The following PHKB variants were observed in gnomAD, a reference collection of about 807,000 sequenced individuals.
PHKB encodes the protein phosphorylase b kinase regulatory subunit beta.
Under a neutral mutation model 152.1 loss-of-function variants are expected in PHKB, and 122 were observed. The ratio of observed to expected loss-of-function variants is 0.80; its 90% CI spans 0.69 to 0.93. The LOEUF is 0.93. PHKB is among the 40% of genes least tolerant of loss of function. PHKB has a pLI of 0.00. For missense variants in PHKB, 1,304 were observed against 1,328.4 expected, an observed-to-expected ratio of 0.98 and a Z score of 0.29; for synonymous variants, 436 against 464.9, an observed-to-expected ratio of 0.94 and a Z score of 0.80.
intron 1 of PHKB, among the ~76,000 whole-genome samples, chr16:47,489,476 G>A (rs1970108919): frequency 6.6e-6 from 1 of 152,214 alleles, no homozygotes; most frequent in Non-Finnish European, 1.5e-5. Context: ...AGTACAGCAA[G>A]AATAACTATT....
At chr16:47,657,491 A>G (rs1973360177) in intron 20 of PHKB, among the ~76,000 whole-genome samples, 2 of 152,198 alleles carry the variant, frequency 1.3e-5, no homozygotes, top group African/African-American at 4.8e-5. Flanking sequence ...TTTAAATATT[A>G]TATTGCGTTT....
chr16:47,461,317 C>T (rs780120000), upstream of PHKB: 8 of 1,553,228 alleles, frequency 5.2e-6, no homozygotes, highest in African/African-American at 2.7e-5. Context: ...CAGGCGGCCC[C>T]GGGGGCGGTG....
intron 26 of PHKB, among the ~76,000 whole-genome samples, chr16:47,679,666 T>G (rs1405435113): frequency 1.2e-4 from 18 of 152,244 alleles, no homozygotes; most frequent in Non-Finnish European, 2.5e-4. Flanking sequence ...AAGGAGATTT[T>G]GGGCTAAGAC....
At chr16:47,634,172 G>A (rs1972876094) in intron 14 of PHKB, among the ~76,000 whole-genome samples, 1 of 152,152 alleles carries the variant, frequency 6.6e-6, no homozygotes, top group Non-Finnish European at 1.5e-5. Context: ...TTATAGATGA[G>A]GAAACTGCAG....
Position 47,699,343 on chromosome 16 carries a change from G to A in PHKB, c.3259G>A (p.Asp1087Asn), listed in dbSNP as rs764639480. ...LLEGEVKPNN[D>N]DPCLIS ...GGAAGGAGAAGTCAAGCCAAACAAT[G>A]ATGACCCGTGTCTGATTAGCTAGTG... is the stretch of plus-strand genomic sequence containing the variant. The change falls in exon 31 of 31, where the codon GAT becomes AAT. Residue 1087 changes from aspartate to asparagine, a missense_variant. Physicochemically the swap from Asp to Asn is conservative, Grantham distance 23 (BLOSUM62 1). Transcript: ENST00000323584. 5.0e-6 allele frequency: 8 copies of A among 1,614,168 alleles called. No homozygotes were observed. The highest frequency in any genetic ancestry group is 6.8e-6 in the Non-Finnish European group (8 of 1,180,020).
chr16:47,552,727 G>A (rs1319309690), intron 7 of PHKB, among the ~76,000 whole-genome samples: 1 of 151,864 alleles, frequency 6.6e-6, no homozygotes, highest in Non-Finnish European at 1.5e-5. Flanking sequence ...AGAATTGCTT[G>A]AACCCATTGA....
chr16:47,693,295 A>T, intron 27 of PHKB, 83 bp from the exon 28 acceptor site: 1 of 1,394,988 alleles, frequency 7.2e-7, no homozygotes, highest in Non-Finnish European at 1.0e-6. Flanking sequence ...ACCCTATCAG[A>T]ACAATTAGTT....
At chr16:47,685,292 G>T (rs1973943207) in intron 26 of PHKB, among the ~76,000 whole-genome samples, 1 of 152,184 alleles carries the variant, frequency 6.6e-6, no homozygotes, top group Admixed American at 6.5e-5. Flanking sequence ...GGGTGTGGTG[G>T]CGCACGCCTG....
chr16:47,594,695 G>T (rs190442534), intron 12 of PHKB, among the ~76,000 whole-genome samples: 31 of 152,230 alleles, frequency 2.0e-4, no homozygotes, highest in Admixed American at 1.9e-3. Flanking sequence ...TTTGAGGATG[G>T]ATTTAATATT....
At chr16:47,556,864 C>A (rs956828158) in intron 7 of PHKB, among the ~76,000 whole-genome samples, 10 of 152,088 alleles carry the variant, frequency 6.6e-5, no homozygotes, top group African/African-American at 2.4e-4. Context: ...CTCCTTGTAC[C>A]TCAGGTAGAA....
intron 7 of PHKB, among the ~76,000 whole-genome samples, chr16:47,576,576 A>C (rs1040739603): frequency 2.0e-5 from 3 of 152,212 alleles, no homozygotes; most frequent in African/African-American, 7.2e-5. Flanking sequence ...CAAGTATCCA[A>C]CTATAACTGT....
At chr16:47,686,831 A>G (rs767626517) in intron 26 of PHKB, among the ~76,000 whole-genome samples, 1 of 152,326 alleles carries the variant, frequency 6.6e-6, no homozygotes, top group East Asian at 1.9e-4. Flanking sequence ...ATATAGCTCT[A>G]AAAAAGGACA....
chr16:47,537,292 A>G (rs1044356654), intron 6 of PHKB, among the ~76,000 whole-genome samples: 4 of 152,250 alleles, frequency 2.6e-5, no homozygotes, highest in East Asian at 1.9e-4. Flanking sequence ...AGGCTCTCCA[A>G]TGAATTATGC....
chr16:47,529,900 C>T, intron 6 of PHKB: 1 of 152,110 alleles, frequency 6.6e-6, no homozygotes, highest in Non-Finnish European at 1.5e-5. Flanking sequence ...GTTAGTGTAA[C>T]TCATTACATT....
chr16:47,465,337 G>C (rs1038654434), intron 1 of PHKB, among the ~76,000 whole-genome samples: 3 of 152,196 alleles, frequency 2.0e-5, no homozygotes, highest in Non-Finnish European at 4.4e-5. Context: ...TCATTCAGTA[G>C]TAATGGGGAA....
intron 7 of PHKB, among the ~76,000 whole-genome samples, chr16:47,557,603 C>T (rs1412065726): frequency 6.6e-6 from 1 of 152,198 alleles, no homozygotes; most frequent in Non-Finnish European, 1.5e-5. Context: ...CAAAAGAAGA[C>T]ATTTATGCAG....
chr16:47,701,243 A>G lies in PHKB; in HGVS notation c.*1877A>G, dbSNP rs887525351. 5 of 152,216 alleles carry G rather than the reference A, an allele frequency of 3.3e-5. No homozygotes were observed. The highest frequency in any genetic ancestry group is 9.6e-5 in the African/African-American group (4 of 41,452). The allele number at this position is 152,216 out of a possible 1,614,324, so 9.4% of individuals were successfully genotyped here. ...TTTGCCGAAATTTTTACGAAAGTAA[A>G]CTGTGTTGTAGTTTTAAGAATTTTT... On this transcript the variant is annotated 3_prime_UTR_variant, in exon 31 of 31. Coordinates refer to ENST00000323584, the MANE Select transcript of PHKB (RefSeq NM_000293.3).
chr16:47,581,019 C>CA (rs1433644588), intron 8 of PHKB, among the ~76,000 whole-genome samples: 6 of 152,004 alleles, frequency 3.9e-5, no homozygotes, highest in Admixed American at 3.9e-4. Flanking sequence ...AGAAGTAGGC[C>CA]AATTTTCTTT....
intron 4 of PHKB, among the ~76,000 whole-genome samples, 190 bp downstream of exon 4, chr16:47,503,280 C>T (rs1292443756): frequency 6.6e-6 from 1 of 152,156 alleles, no homozygotes; most frequent in East Asian, 1.9e-4. Context: ...TGAAGGAACA[C>T]CTTAAGCAAG....
Sources: gnomAD v4.1 joint callset for allele counts (sites outside exome capture counted in the v4.1 genomes callset) on GRCh38, gnomAD v4.1.1 for gene constraint, MANE v1.5 for transcripts, NCBI Gene and HGNC (gene_info 2026-07-23, HGNC 2026-07-21) for gene names.